Variants in SGTB observed in about 807,000 individuals in gnomAD.
The protein encoded by SGTB is small glutamine rich tetratricopeptide repeat co-chaperone beta, also known as small glutamine-rich tetratricopeptide repeat-containing protein beta.
A neutral mutation model predicts 43.9 loss-of-function variants in SGTB; 19 were observed. That is an observed-to-expected ratio of 0.43 (90% CI 0.30 to 0.63). The LOEUF is 0.63. SGTB is among the 30% of genes least tolerant of loss of function. The probability of loss-of-function intolerance (pLI) is 0.12; values close to 1 mark genes in which losing one functional copy is unlikely to be tolerated. For missense variants in SGTB, 304 were observed against 358.9 expected (o/e 0.85, Z 1.24); for synonymous variants, 116 against 117.3 (o/e 0.99, Z 0.07).
chr5:65,678,307 T>A (rs960302194), intron 8 of SGTB, among the ~76,000 whole-genome samples: 1 of 152,090 alleles, frequency 6.6e-6, no homozygotes, highest in African/African-American at 2.4e-5. Context: ...GAAGGAACTC[T>A]TCAAGGAGAA....
chr5:65,710,334 TC>T (rs1309999695), intron 3 of SGTB, among the ~76,000 whole-genome samples: 1 of 152,192 alleles, frequency 6.6e-6, no homozygotes, highest in African/African-American at 2.4e-5. Context: ...TAGATTATAA[TC>T]TCTTCTGTCT....
chr5:65,720,081 C>CTTTTTTTTTTTTTTTTTTTTTTTT, intron 2 of SGTB, among the ~76,000 whole-genome samples: 1 of 124,976 alleles, frequency 8.0e-6, no homozygotes, highest in Non-Finnish European at 1.7e-5. Context: ...TTTTCTTTTT[C>CTTTTTTTTTTTTTTTTTTTTTTTT]TTTTTTTTTT....
At chr5:65,706,565 C>T (rs1029602276) in intron 4 of SGTB, among the ~76,000 whole-genome samples, 1 of 152,084 alleles carries the variant, frequency 6.6e-6, no homozygotes, top group Non-Finnish European at 1.5e-5. Flanking sequence ...GGTGTGGTGG[C>T]GCACATCTGT....
intron 8 of SGTB, among the ~76,000 whole-genome samples, chr5:65,679,200 C>G (rs1458697015): frequency 6.6e-6 from 1 of 152,118 alleles, no homozygotes; most frequent in Non-Finnish European, 1.5e-5. Context: ...AGACAATTCT[C>G]AAAAGAAGAC....
At chr5:65,675,233 G>GATATCT (rs1192939097) in intron 8 of SGTB, among the ~76,000 whole-genome samples, 16 of 152,090 alleles carry the variant, frequency 1.1e-4, no homozygotes, top group Admixed American at 5.9e-4. Flanking sequence ...AAACACATGA[G>GATATCT]ATATCTATAT....
intron 6 of SGTB, 70 bp downstream of exon 6, chr5:65,685,298 A>G: frequency 1.4e-6 from 2 of 1,381,700 alleles, no homozygotes; most frequent in Admixed American, 1.8e-5. Flanking sequence ...AGGAAATTCA[A>G]AACCAAGCCA....
chr5:65,695,781 T>C (rs1374246352), intron 5 of SGTB, among the ~76,000 whole-genome samples: 4 of 152,204 alleles, frequency 2.6e-5, no homozygotes, highest in Non-Finnish European at 5.9e-5. Context: ...CCTTACCTTG[T>C]TTTTGAAAGA....
At chr5:65,686,516 T>C (rs367857508) in intron 5 of SGTB, among the ~76,000 whole-genome samples, 14 of 150,252 alleles carry the variant, frequency 9.3e-5, no homozygotes, top group African/African-American at 3.5e-4. Context: ...TACCCACATT[T>C]GTTTTTTTTT....
At chr5:65,700,682 CAAAA>C (rs376335799) in intron 5 of SGTB, among the ~76,000 whole-genome samples, 2 of 80,798 alleles carry the variant, frequency 2.5e-5, no homozygotes, top group Non-Finnish European at 4.8e-5. Flanking sequence ...CTCTGTCTCC[CAAAA>C]AAAAAAAAAA....
At chr5:65,694,768 T>C (rs1352008752) in intron 5 of SGTB, among the ~76,000 whole-genome samples, 1 of 152,044 alleles carries the variant, frequency 6.6e-6, no homozygotes, top group East Asian at 1.9e-4. Flanking sequence ...GGATGACTAG[T>C]AGTTGACCAA....
At position 65,712,977 on chromosome 5, in the gene SGTB, G is replaced by C; in HGVS notation, c.188C>G (p.Thr63Ser). ...AVSQPLTEMF[T>S]SSFCKNDVLP... The stretch of plus-strand genomic sequence containing the variant: ...ACAACATACCTTACAGAAGGAACTG[G>C]TAAACATTTCTGTCAAAGGCTGTGA... Residue 63 changes from threonine to serine, a missense_variant, in exon 3 of 11, where the codon ACC becomes AGC. By Grantham distance (58) the Thr-to-Ser change is moderately conservative (BLOSUM62 1). Transcript: ENST00000381007. The C allele has an allele frequency of 6.2e-7, 1 of 1,612,912 alleles. No homozygotes were observed. The highest frequency in any genetic ancestry group is 2.2e-5 in the East Asian group (1 of 44,784).
intron 8 of SGTB, among the ~76,000 whole-genome samples, chr5:65,674,852 A>C (rs2150703307): frequency 6.6e-6 from 1 of 152,334 alleles, no homozygotes; most frequent in East Asian, 1.9e-4. Flanking sequence ...CAAGATCTAC[A>C]AAACATGTAT....
intron 8 of SGTB, among the ~76,000 whole-genome samples, chr5:65,676,052 T>TA (rs1245901053): frequency 4.6e-5 from 7 of 151,664 alleles, no homozygotes; most frequent in African/African-American, 9.7e-5. Context: ...GCAAACCAGA[T>TA]AAAAAAACAA....
intron 9 of SGTB, 65 bp from the exon 10 acceptor site, chr5:65,672,063 C>T (rs544062639): frequency 4.9e-5 from 78 of 1,593,834 alleles, no homozygotes; most frequent in South Asian, 2.5e-4. Flanking sequence ...GACAACTGGA[C>T]GAGGAAAAGT....
Position 65,670,248 on chromosome 5 carries a change from A to G in SGTB, c.913T>C (p.Ter305ArgextTer17). The part of the protein sequence containing the change: ...SFSSSAEEHS[*>R] Reference sequence around the variant, plus strand: ...TTGGGCTTGAGCCCCTGGTTAAATCAGGAATGCTCTTCAGCGCTGCTGCTG... The same window carrying G: ...TTGGGCTTGAGCCCCTGGTTAAATCGGGAATGCTCTTCAGCGCTGCTGCTG... The change falls in exon 11 of 11, where the codon TGA (stop) becomes CGA (arginine). Residue 305 changes from the stop codon to arginine (R), a stop_lost. Transcript: ENST00000381007. 1 of 1,613,850 alleles carries G rather than the reference A, an allele frequency of 6.2e-7. No homozygotes were observed. Among genetic ancestry groups the G allele is most frequent in the Non-Finnish European group, 8.5e-7 (1 of 1,179,768 alleles).
At chr5:65,694,322 C>T (rs1757675867) in intron 5 of SGTB, among the ~76,000 whole-genome samples, 1 of 152,170 alleles carries the variant, frequency 6.6e-6, no homozygotes, top group African/African-American at 2.4e-5. Context: ...GTCCCAGCTA[C>T]TCAGGAGGCT....
chr5:65,685,224 G>T, intron 6 of SGTB, 144 bp downstream of exon 6: 1 of 638,316 alleles, frequency 1.6e-6, no homozygotes, highest in Non-Finnish European at 2.7e-6. Context: ...CAAAGAAATT[G>T]TAGTCATTTC....
chr5:65,719,439 A>G (rs1048605595), intron 2 of SGTB, among the ~76,000 whole-genome samples: 2 of 152,050 alleles, frequency 1.3e-5, no homozygotes, highest in African/African-American at 4.8e-5. Flanking sequence ...AAAAAAATAC[A>G]AAACTTAGCC....
At chr5:65,708,371 A>G in intron 4 of SGTB, 118 bp downstream of exon 4, 2 of 779,886 alleles carry the variant, frequency 2.6e-6, no homozygotes, top group Non-Finnish European at 4.0e-6. Flanking sequence ...CGTAATTGCC[A>G]TGTGCACTTA....
Sources: allele counts gnomAD v4.1 joint callset (sites outside exome capture counted in the v4.1 genomes callset), GRCh38; gene constraint gnomAD v4.1.1; transcripts MANE v1.5; gene names NCBI Gene and HGNC (gene_info 2026-07-23, HGNC 2026-07-21).